TBC1D22A: variants seen among roughly 807,000 people sequenced by gnomAD.
The protein encoded by TBC1D22A is TBC1 domain family member 22A.
In TBC1D22A, 38 loss-of-function variants were observed where a neutral mutation model predicts 60.2. That is an observed-to-expected ratio of 0.63 (90% CI 0.49 to 0.83). TBC1D22A has a LOEUF of 0.83. TBC1D22A is among the 40% of genes least tolerant of loss of function. The pLI is 0.00. For missense variants in TBC1D22A, 628 were observed against 701.0 expected, an observed-to-expected ratio of 0.90 and a Z score of 1.18; for synonymous variants, 302 against 281.7, an observed-to-expected ratio of 1.07 and a Z score of -0.72.
chr22:46,820,037 A>C lies in TBC1D22A; in HGVS notation c.637+22417A>C, dbSNP rs540771597. On this transcript the variant is annotated intron_variant, in intron 4 of 12. Transcript: ENST00000337137. Reference sequence around the variant, plus strand: ...AGTTTATTTGCATAGAGGTGTTTATAGTATTCTCTGATGGTAGTTTGTATT... The same window carrying C: ...AGTTTATTTGCATAGAGGTGTTTATCGTATTCTCTGATGGTAGTTTGTATT... 7.2e-5 allele frequency among the ~76,000 whole-genome samples: 11 copies of C among 152,294 alleles called. No individual in the cohort carries two copies. The South Asian group carries it at 1.5e-3, about 20-fold the overall frequency.
At chr22:46,844,645 G>C (rs534311610) in intron 4 of TBC1D22A, among the ~76,000 whole-genome samples, 2 of 152,320 alleles carry the variant, frequency 1.3e-5, no homozygotes, top group African/African-American at 4.8e-5. Flanking sequence ...AGTGATTCCT[G>C]GGAAGGGTTG....
intron 10 of TBC1D22A, among the ~76,000 whole-genome samples, chr22:47,005,620 C>T (rs2061562636): frequency 2.0e-5 from 3 of 150,492 alleles, no homozygotes; most frequent in African/African-American, 7.4e-5. Context: ...CTCACATACC[C>T]CCTACAAACA....
intron 4 of TBC1D22A, among the ~76,000 whole-genome samples, chr22:46,847,146 T>A (rs1456933735): frequency 2.0e-5 from 3 of 152,178 alleles, no homozygotes; most frequent in Non-Finnish European, 1.5e-5. Flanking sequence ...CTCTCCCTCA[T>A]TTTTGGAGAC....
intron 4 of TBC1D22A, among the ~76,000 whole-genome samples, chr22:46,846,566 C>A (rs561041262): frequency 6.6e-6 from 1 of 152,222 alleles, no homozygotes; most frequent in Non-Finnish European, 1.5e-5. Context: ...CCTTTACCAT[C>A]TCTCACACTT....
At position 47,015,332 on chromosome 22, in the gene TBC1D22A, C is replaced by G. The variant is rs565678076; in HGVS notation, c.1201+17623C>G. Among the ~76,000 whole-genome samples the G allele has an allele frequency of 3.3e-5, 5 of 152,316 alleles. No individual in the cohort carries two copies. The East Asian group carries it at 5.8e-4, about 18-fold the overall frequency. ...CCTAAGCTGCCTGGGGAGGGCGGCT[C>G]GCTTTATTTAATTCACACGCTCAAA... is the stretch of plus-strand genomic sequence containing the variant. On this transcript the variant is annotated intron_variant, in intron 10 of 12. Transcript: ENST00000337137.
intron 12 of TBC1D22A, among the ~76,000 whole-genome samples, chr22:47,155,000 C>G (rs1379416806): frequency 1.3e-5 from 2 of 152,206 alleles, no homozygotes; most frequent in African/African-American, 4.8e-5. Flanking sequence ...GTGGCCACAG[C>G]ATCTTGGCCC....
At chr22:47,153,054 AAC>A (rs1184214512) in intron 12 of TBC1D22A, among the ~76,000 whole-genome samples, 2 of 152,200 alleles carry the variant, frequency 1.3e-5, no homozygotes, top group South Asian at 2.1e-4. Flanking sequence ...TGCTTTCAGA[AAC>A]ACAGTTTCCT....
chr22:46,832,151 C>T (rs1330403726), intron 4 of TBC1D22A, among the ~76,000 whole-genome samples: 1 of 152,144 alleles, frequency 6.6e-6, no homozygotes, highest in East Asian at 1.9e-4. Context: ...CCTGATTTTG[C>T]CCTTGTATCT....
chr22:46,997,859 C>T (rs1183289510), intron 10 of TBC1D22A, 150 bp downstream of exon 10: 8 of 633,462 alleles, frequency 1.3e-5, no homozygotes, highest in East Asian at 1.1e-4. Flanking sequence ...GCTGCTGGTG[C>T]GTGAGCTGCT....
At chr22:47,166,673 A>G (rs1318653894) in intron 12 of TBC1D22A, among the ~76,000 whole-genome samples, 1 of 152,218 alleles carries the variant, frequency 6.6e-6, no homozygotes, top group Non-Finnish European at 1.5e-5. Context: ...TCATACATGT[A>G]CGCCCTGCAG....
At position 46,968,597 on chromosome 22, in the gene TBC1D22A, G is replaced by A. The variant is rs112735662; in HGVS notation, c.1016-5693G>A. On this transcript the variant is annotated intron_variant, in intron 8 of 12. Transcript: ENST00000337137. ...GCGTGGCCGGCGGTCCTGAGTGGGC[G>A]GGCGTCCTCACTGCGTGGCCGGCGG... Among the ~76,000 whole-genome samples the A allele has an allele frequency of 1.6e-4, 23 of 143,018 alleles. No homozygotes were observed. In the South Asian group the frequency reaches 2.1e-3, roughly 13 times the overall value. 93.8% of individuals were successfully genotyped at this position (143,018 alleles called of 152,430 possible). A position where few individuals can be genotyped will look rare whatever the true frequency, so the allele number is the denominator to read the frequency against.
At chr22:46,934,749 G>A (rs2071548235) in intron 8 of TBC1D22A, among the ~76,000 whole-genome samples, 1 of 152,156 alleles carries the variant, frequency 6.6e-6, no homozygotes, top group Admixed American at 6.5e-5. Flanking sequence ...AGGGCAATGC[G>A]TGCCGCCCCC....
chr22:47,123,756 A>G (rs1202072662), intron 12 of TBC1D22A, among the ~76,000 whole-genome samples: 1 of 152,256 alleles, frequency 6.6e-6, no homozygotes, highest in Non-Finnish European at 1.5e-5. Context: ...TAAAGACAAA[A>G]TTGGGTCAAT....
chr22:46,883,747 C>A (rs567340003), intron 5 of TBC1D22A, among the ~76,000 whole-genome samples: 1 of 152,322 alleles, frequency 6.6e-6, no homozygotes, highest in African/African-American at 2.4e-5. Flanking sequence ...GGCACACAGG[C>A]CTTCTCTCCT....
intron 8 of TBC1D22A, chr22:46,913,842 C>T (rs549882174): frequency 1.2e-6 from 1 of 841,594 alleles, no homozygotes; most frequent in South Asian, 5.4e-5. Context: ...AATGCATTTG[C>T]CTGATTATCT....
At chr22:47,067,676 G>A (rs554475772) in intron 11 of TBC1D22A, among the ~76,000 whole-genome samples, 2 of 152,342 alleles carry the variant, frequency 1.3e-5, no homozygotes, top group East Asian at 3.9e-4. Flanking sequence ...AGGCAGAGAT[G>A]CCTGGGGATG....
chr22:46,893,830 A>ATG (rs1280372717), intron 6 of TBC1D22A, among the ~76,000 whole-genome samples: 5 of 151,860 alleles, frequency 3.3e-5, no homozygotes, highest in East Asian at 2.0e-4. Flanking sequence ...CGCATCACAG[A>ATG]TGTGTGTGTG....
intron 4 of TBC1D22A, among the ~76,000 whole-genome samples, chr22:46,830,021 CAG>C (rs1253828196): frequency 6.6e-6 from 1 of 152,220 alleles, no homozygotes; most frequent in African/African-American, 2.4e-5. Flanking sequence ...CGGCGAGAGA[CAG>C]AATGTCTGCC....
chr22:46,766,587 G>A (rs2083294904), intron 1 of TBC1D22A, among the ~76,000 whole-genome samples: 1 of 152,152 alleles, frequency 6.6e-6, no homozygotes, highest in African/African-American at 2.4e-5. Flanking sequence ...CCAGACTGGA[G>A]TGCAGTGGTG....
Sources: gnomAD v4.1 joint callset for allele counts (sites outside exome capture counted in the v4.1 genomes callset) on GRCh38, gnomAD v4.1.1 for gene constraint, MANE v1.5 for transcripts, NCBI Gene and HGNC (gene_info 2026-07-23, HGNC 2026-07-21) for gene names.